Variants in PRKCE observed in about 807,000 individuals in gnomAD.
PRKCE encodes protein kinase C epsilon type.
A neutral mutation model predicts 85.4 loss-of-function variants in PRKCE; 16 were observed. The observed-to-expected ratio is 0.19, with a 90% CI of 0.13 to 0.28. PRKCE has a LOEUF of 0.28. Among genes scored for constraint, PRKCE ranks in the 10% least tolerant of loss-of-function variants. PRKCE has a pLI of 1.00. For missense variants in PRKCE, 573 were observed against 975.2 expected (o/e 0.59, Z 5.49); for synonymous variants, 388 against 371.5 (o/e 1.04, Z -0.51).
At chr2:46,157,362 G>A (rs953005769) in intron 13 of PRKCE, among the ~76,000 whole-genome samples, 4 of 152,144 alleles carry the variant, frequency 2.6e-5, no homozygotes, top group African/African-American at 9.7e-5. Context: ...TTATTTTGGA[G>A]GCCTTAGAGC....
At chr2:46,063,729 A>G (rs535941946) in intron 10 of PRKCE, among the ~76,000 whole-genome samples, 1 of 152,330 alleles carries the variant, frequency 6.6e-6, no homozygotes, top group South Asian at 2.1e-4. Flanking sequence ...TGCTAGACCA[A>G]TCGCCACTTC....
At chr2:45,741,684 A>T (rs982166550) in intron 1 of PRKCE, among the ~76,000 whole-genome samples, 8 of 152,172 alleles carry the variant, frequency 5.3e-5, no homozygotes, top group African/African-American at 1.4e-4. Context: ...GGTACTGCTG[A>T]CAGGCTGCGG....
chr2:45,951,092 G>C (rs888540775), intron 2 of PRKCE, among the ~76,000 whole-genome samples: 14 of 152,212 alleles, frequency 9.2e-5, no homozygotes, highest in African/African-American at 1.9e-4. Flanking sequence ...TGTAAAGCCA[G>C]TGTTCAAACA....
chr2:46,117,489 C>T (rs1448787857), intron 11 of PRKCE, among the ~76,000 whole-genome samples: 1 of 152,172 alleles, frequency 6.6e-6, no homozygotes, highest in Non-Finnish European at 1.5e-5. Context: ...TACATGAGGT[C>T]CAGAAATCAC....
At chr2:46,164,410 A>G (rs1678116079) in intron 14 of PRKCE, among the ~76,000 whole-genome samples, 1 of 152,224 alleles carries the variant, frequency 6.6e-6, no homozygotes, top group Non-Finnish European at 1.5e-5. Flanking sequence ...GAATACCTCC[A>G]AGGTGACTCA....
At chr2:45,794,166 A>G (rs572118324) in intron 1 of PRKCE, among the ~76,000 whole-genome samples, 1 of 152,226 alleles carries the variant, frequency 6.6e-6, no homozygotes, top group Admixed American at 6.5e-5. Flanking sequence ...GGAGTGTGGC[A>G]TCATTGATTT....
intron 2 of PRKCE, among the ~76,000 whole-genome samples, chr2:45,891,346 A>G (rs957325096): frequency 2.6e-5 from 4 of 152,216 alleles, no homozygotes; most frequent in Non-Finnish European, 4.4e-5. Flanking sequence ...TGCATAACTA[A>G]AAAAGAAATG....
chr2:46,075,631 C>A (rs1199053667), intron 10 of PRKCE, among the ~76,000 whole-genome samples: 1 of 152,048 alleles, frequency 6.6e-6, no homozygotes, highest in East Asian at 1.9e-4. Flanking sequence ...CACCTGTAGT[C>A]CCAGCTACTC....
rs1675949237 is a variant in PRKCE, at chr2:46,145,249, AG to A, written c.1731+20del. Reference sequence around the variant, plus strand: ...CTCCTGAGGTAAGACCTGTGTGCAAAGGTTCACCTCCTCCTGGTGCCAGGAC... The same window carrying A: ...CTCCTGAGGTAAGACCTGTGTGCAAAGTTCACCTCCTCCTGGTGCCAGGAC... On this transcript the variant is annotated intron_variant, in intron 12 of 14. Transcript: ENST00000306156. This position sits in a 1 kb window ranked among gnomAD's most constrained non-coding sequence, Gnocchi z 4.6. 1 of 1,599,414 alleles carries A rather than the reference AG, an allele frequency of 6.3e-7. No individual in the cohort carries two copies. The highest frequency in any genetic ancestry group is 2.2e-5 in the East Asian group (1 of 44,874).
At chr2:45,853,375 G>A (rs540657797) in intron 2 of PRKCE, among the ~76,000 whole-genome samples, 221 of 152,272 alleles carry the variant, frequency 1.5e-3, no homozygotes, top group African/African-American at 4.7e-3. Flanking sequence ...CCTTTTAAAA[G>A]CAACCAGTCA....
At chr2:45,739,804 A>G (rs1369619186) in intron 1 of PRKCE, among the ~76,000 whole-genome samples, 4 of 152,210 alleles carry the variant, frequency 2.6e-5, no homozygotes, top group African/African-American at 7.2e-5. Flanking sequence ...GTCAAAATCC[A>G]CAGAACTCTA....
intron 6 of PRKCE, among the ~76,000 whole-genome samples, chr2:45,996,011 A>G (rs571211337): frequency 6.6e-6 from 1 of 152,298 alleles, no homozygotes; most frequent in South Asian, 2.1e-4. Flanking sequence ...ATATCTCTAT[A>G]TGTATTTAGT....
At position 46,138,692 on chromosome 2, in the gene PRKCE, G is replaced by A. The variant is rs2104450386; in HGVS notation, c.1593-6401G>A. On this transcript the variant is annotated intron_variant, in intron 11 of 14. Coordinates refer to ENST00000306156, the MANE Select transcript of PRKCE (RefSeq NM_005400.3). The surrounding 1 kb of genome is among the most constrained non-coding windows in gnomAD (Gnocchi z 4.2). ...CTGCAAGGGACACTTAGCAATGTCT[G>A]GAGACACAGTTGGTTGTCACAGCTG... Among the ~76,000 whole-genome samples, 1 of 152,290 alleles carries A rather than the reference G, an allele frequency of 6.6e-6. No individual in the cohort carries two copies. Among genetic ancestry groups the A allele is most frequent in the East Asian group, 1.9e-4 (1 of 5,188 alleles).
At chr2:45,985,276 G>T (rs61756867) in intron 6 of PRKCE, among the ~76,000 whole-genome samples, 64 of 152,302 alleles carry the variant, frequency 4.2e-4, no homozygotes, top group African/African-American at 1.5e-3. Context: ...CGCGTCCTCA[G>T]TTCCTTCCTG....
At chr2:45,918,926 C>T (rs1698040021) in intron 2 of PRKCE, among the ~76,000 whole-genome samples, 1 of 152,226 alleles carries the variant, frequency 6.6e-6, no homozygotes, top group South Asian at 2.1e-4. Flanking sequence ...TGTGTTCATT[C>T]CCCTTTGCTG....
At chr2:45,788,375 G>A (rs1241780681) in intron 1 of PRKCE, among the ~76,000 whole-genome samples, 3 of 152,298 alleles carry the variant, frequency 2.0e-5, no homozygotes, top group Middle Eastern at 3.4e-3. Context: ...GCAGTGGCAC[G>A]TTGATGTTCA....
chr2:46,076,925 T>C (rs1469471261), intron 10 of PRKCE, among the ~76,000 whole-genome samples: 1 of 152,188 alleles, frequency 6.6e-6, no homozygotes, highest in East Asian at 1.9e-4. Flanking sequence ...ACTCACCTGA[T>C]GAATCTAAAA....
chr2:46,004,211 C>A lies in PRKCE; in HGVS notation c.967-331C>A. On this transcript the variant is annotated intron_variant, in intron 7 of 14. Coordinates refer to ENST00000306156, the MANE Select transcript of PRKCE (RefSeq NM_005400.3). This position sits in a 1 kb window ranked among gnomAD's most constrained non-coding sequence, Gnocchi z 4.1. ...AACCTTTATGGTGTCCTCGCACAAC[C>A]CGAACTACTTCATCCTTTTGGATGG... The A allele has an allele frequency of 3.0e-6, 1 of 338,586 alleles. No individual in the cohort carries two copies. The highest frequency in any genetic ancestry group is 7.3e-5 in the East Asian group (1 of 13,622). The allele number at this position is 338,586 out of a possible 1,614,324, so 21.0% of individuals were successfully genotyped here.
At chr2:45,726,251 A>G (rs1437177676) in intron 1 of PRKCE, among the ~76,000 whole-genome samples, 2 of 152,256 alleles carry the variant, frequency 1.3e-5, no homozygotes, top group Non-Finnish European at 2.9e-5. Context: ...CAATTTTGAC[A>G]GAAAATGCCA....
Sources: gnomAD v4.1 joint callset for allele counts (sites outside exome capture counted in the v4.1 genomes callset) on GRCh38, gnomAD v4.1.1 for gene constraint, Gnocchi (gnomAD v3.1) non-coding constraint, MANE v1.5 for transcripts, NCBI Gene and HGNC (gene_info 2026-07-23, HGNC 2026-07-21) for gene names.